The following PPP2R2C variants were observed in gnomAD, a reference collection of about 807,000 sequenced individuals.
The protein encoded by PPP2R2C is protein phosphatase 2, regulatory subunit B, gamma.
In PPP2R2C, 10 loss-of-function variants were observed where a neutral mutation model predicts 45.3. That is an observed-to-expected ratio of 0.22 (90% CI 0.14 to 0.37). PPP2R2C has a LOEUF of 0.37. Ranked by LOEUF, PPP2R2C falls within the 10% of genes least tolerant of loss-of-function variation. PPP2R2C has a pLI of 1.00. For missense variants in PPP2R2C, 308 were observed against 619.7 expected, an observed-to-expected ratio of 0.50 and a Z score of 5.34; for synonymous variants, 257 against 245.4, an observed-to-expected ratio of 1.05 and a Z score of -0.44.
chr4:6,327,943 C>T (rs531455312), intron 8 of PPP2R2C, among the ~76,000 whole-genome samples: 1 of 151,950 alleles, frequency 6.6e-6, no homozygotes, highest in Non-Finnish European at 1.5e-5. Flanking sequence ...TTCCAGGGGG[C>T]TCCCTCCTGG....
chr4:6,403,493 C>T (rs1717585012), intron 1 of PPP2R2C, among the ~76,000 whole-genome samples: 1 of 152,234 alleles, frequency 6.6e-6, no homozygotes, highest in African/African-American at 2.4e-5. Context: ...GGTCCCCACC[C>T]CCACGGAGGC....
chr4:6,433,248 C>T (rs538341777), intron 1 of PPP2R2C, among the ~76,000 whole-genome samples: 4 of 152,144 alleles, frequency 2.6e-5, no homozygotes, highest in Admixed American at 6.5e-5. Context: ...GCTCTCTGTG[C>T]ACAGCTGAAG....
At chr4:6,384,454 T>C in intron 1 of PPP2R2C, 1 of 983,668 alleles carries the variant, frequency 1.0e-6, no homozygotes, top group Non-Finnish European at 1.2e-6. Context: ...CTTGTCCATA[T>C]TTTCTAGATT....
chr4:6,465,441 T>G (rs1355784432), intron 1 of PPP2R2C, among the ~76,000 whole-genome samples: 1 of 151,654 alleles, frequency 6.6e-6, no homozygotes, highest in Non-Finnish European at 1.5e-5. Flanking sequence ...GCCAAGGAGG[T>G]AGAAGGCAGG....
At chr4:6,561,220 C>T (rs528000893) in intron 1 of PPP2R2C, among the ~76,000 whole-genome samples, 1 of 152,320 alleles carries the variant, frequency 6.6e-6, no homozygotes, top group South Asian at 2.1e-4. Context: ...TGACTCGACA[C>T]TCAACTTCCC....
rs1162153243 is a variant in PPP2R2C at position 6,371,396 on chromosome 4, C to T, written c.625+1127G>A. Among the ~76,000 whole-genome samples, 5 of 152,220 alleles carry T rather than the reference C, an allele frequency of 3.3e-5. No homozygotes were observed. The East Asian group carries it at 9.6e-4, about 29-fold the overall frequency. On this transcript the variant is annotated intron_variant, in intron 5 of 8. Coordinates refer to ENST00000382599, the MANE Select transcript of PPP2R2C (RefSeq NM_020416.4). The stretch of plus-strand genomic sequence containing the variant: ...CCCTTCCTGGAATGCTCCCTGCCTC[C>T]CCTGCTCCCCACAGCTATCCCGGCT...
At chr4:6,543,443 C>T (rs1278121747) in intron 1 of PPP2R2C, among the ~76,000 whole-genome samples, 3 of 152,136 alleles carry the variant, frequency 2.0e-5, no homozygotes, top group Non-Finnish European at 2.9e-5. Flanking sequence ...AAATACCAGG[C>T]CAGGCGTGGT....
At chr4:6,519,461 C>T (rs1315314518) in intron 2 of PPP2R2C, among the ~76,000 whole-genome samples, 1 of 152,190 alleles carries the variant, frequency 6.6e-6, no homozygotes, top group Non-Finnish European at 1.5e-5. Flanking sequence ...TGCCTAGCTC[C>T]CCAGCCCCAG....
chr4:6,356,220 C>A (rs1485946982), intron 5 of PPP2R2C, among the ~76,000 whole-genome samples: 1 of 152,220 alleles, frequency 6.6e-6, no homozygotes, highest in Middle Eastern at 3.4e-3. Context: ...TGTTTATATC[C>A]CCCAAACCCC....
intron 1 of PPP2R2C, chr4:6,382,346 T>C (rs1402155533): frequency 2.3e-6 from 3 of 1,313,482 alleles, no homozygotes; most frequent in East Asian, 5.1e-5. Flanking sequence ...GGATCTACTT[T>C]CAAACCAGCC....
At chr4:6,478,435 C>CT (rs201754279) in intron 2 of PPP2R2C, among the ~76,000 whole-genome samples, 2,666 of 152,266 alleles carry the variant, frequency 0.018, 92 homozygotes, top group African/African-American at 0.061. Flanking sequence ...TTGACAAATT[C>CT]TTTTTTTCAC....
intron 1 of PPP2R2C, among the ~76,000 whole-genome samples, chr4:6,560,215 G>A (rs1219516590): frequency 6.6e-6 from 1 of 152,184 alleles, no homozygotes; most frequent in Non-Finnish European, 1.5e-5. Flanking sequence ...GGCAAGCAGG[G>A]GACAGTGCAC....
intron 5 of PPP2R2C, among the ~76,000 whole-genome samples, chr4:6,370,392 T>C (rs1299542352): frequency 6.6e-6 from 1 of 152,090 alleles, no homozygotes; most frequent in Non-Finnish European, 1.5e-5. Flanking sequence ...CCCCACACCC[T>C]CCCCATTTGC....
At chr4:6,470,246 C>A (rs1405344212) in intron 1 of PPP2R2C, among the ~76,000 whole-genome samples, 1 of 152,114 alleles carries the variant, frequency 6.6e-6, no homozygotes, top group African/African-American at 2.4e-5. Context: ...TTTGTCCAGT[C>A]CCCAGGGATA....
intron 2 of PPP2R2C, among the ~76,000 whole-genome samples, chr4:6,493,428 C>G (rs1237577254): frequency 6.6e-6 from 1 of 151,584 alleles, no homozygotes; most frequent in Non-Finnish European, 1.5e-5. Flanking sequence ...CCAAGCAGGC[C>G]ACACAGGAGG....
chr4:6,461,164 G>A (rs1207904532), intron 1 of PPP2R2C, among the ~76,000 whole-genome samples: 1 of 152,142 alleles, frequency 6.6e-6, no homozygotes, highest in African/African-American at 2.4e-5. Context: ...TGACCTCCTA[G>A]CCACCGCATG....
rs527991765 is a variant in PPP2R2C, at chr4:6,491,836, T to C, written c.49+43435A>G. Among the ~76,000 whole-genome samples the C allele has an allele frequency of 3.9e-5, 6 of 152,326 alleles. No individual in the cohort carries two copies. The South Asian group carries it at 1.2e-3, about 32-fold the overall frequency. On this transcript the variant is annotated intron_variant, in intron 2 of 9. Coordinates refer to the PPP2R2C transcript ENST00000506140. ...CTTTCTGCCACGATTATAAGCTTCC[T>C]GAGGGAAGCTTACTACCCATATTTC...
intron 6 of PPP2R2C, among the ~76,000 whole-genome samples, chr4:6,346,431 C>T (rs942350642): frequency 6.6e-6 from 1 of 152,162 alleles, no homozygotes; most frequent in Non-Finnish European, 1.5e-5. Context: ...GGGAGGCCCT[C>T]CCTGACCCCC....
chr4:6,346,112 C>T (rs1711889564), intron 6 of PPP2R2C, among the ~76,000 whole-genome samples: 1 of 152,150 alleles, frequency 6.6e-6, no homozygotes, highest in Non-Finnish European at 1.5e-5. Context: ...GCCAGGTGAG[C>T]CCTGCCCCAC....
Sources: gnomAD v4.1 joint callset for allele counts (sites outside exome capture counted in the v4.1 genomes callset) on GRCh38, gnomAD v4.1.1 for gene constraint, MANE v1.5 for transcripts, NCBI Gene and HGNC (gene_info 2026-07-23, HGNC 2026-07-21) for gene names.